Variants in ERCC4 observed in about 807,000 individuals in gnomAD.
The protein encoded by ERCC4 is ERCC excision repair 4, endonuclease catalytic subunit.
ERCC4 carries 65 observed loss-of-function variants against 76.9 expected under a neutral mutation model. The ratio of observed to expected loss-of-function variants is 0.84; its 90% confidence interval spans 0.69 to 1.04. ERCC4 has a LOEUF of 1.04. ERCC4 is among the 50% of genes least tolerant of loss of function. The pLI, the probability that ERCC4 is intolerant of heterozygous loss-of-function variation, is 0.00. For synonymous variants in ERCC4, 463 were observed against 410.1 expected, an observed-to-expected ratio of 1.13 and a Z score of -1.56; for missense variants, 1,214 against 1,128.2, an observed-to-expected ratio of 1.08 and a Z score of -1.09.
chr16:13,921,828 C>A (rs1196243163), intron 1 of ERCC4, among the ~76,000 whole-genome samples: 1 of 152,084 alleles, frequency 6.6e-6, no homozygotes, highest in African/African-American at 2.4e-5. Flanking sequence ...TGCAATTATT[C>A]CTTAGTGTAA....
chr16:13,944,211 T>A (rs1213105613), intron 9 of ERCC4: 4 of 156,134 alleles, frequency 2.6e-5, no homozygotes, highest in Admixed American at 2.5e-4. Flanking sequence ...TGATTTTCCT[T>A]TAAAACTCAG....
chr16:13,934,102 T>A, intron 6 of ERCC4, 90 bp from the exon 7 acceptor site: 3 of 787,200 alleles, frequency 3.8e-6, no homozygotes, highest in Non-Finnish European at 6.5e-6. Flanking sequence ...TATGTACTGA[T>A]GCTCGTGTTA....
chr16:13,929,913 G>A (rs531162360), intron 4 of ERCC4, among the ~76,000 whole-genome samples: 2 of 152,160 alleles, frequency 1.3e-5, no homozygotes, highest in African/African-American at 2.4e-5. Flanking sequence ...GCAGTGAGCC[G>A]AGATTGTGCC....
At position 13,948,200 on chromosome 16, in the gene ERCC4, C is replaced by T. The variant is rs370809250; in HGVS notation, c.2604C>T (p.His868=). Residue 868 remains histidine (H), a synonymous_variant, in exon 11 of 11, where the codon CAC becomes CAT. Coordinates refer to ENST00000311895, the MANE Select transcript of ERCC4 (RefSeq NM_005236.3). ...CCAAAAACTGCCGCTCCTTGATGCA[C>T]CACGTTAAGAACATCGCAGAATTAG... The part of the protein sequence containing the change: ...VNAKNCRSLM[H]HVKNIAELAA... The T allele has an allele frequency of 5.6e-5, 91 of 1,614,056 alleles. No individual in the cohort carries two copies. The highest frequency in any genetic ancestry group is 7.5e-5 in the Non-Finnish European group (89 of 1,180,050).
In ERCC4 at chr16:13,948,120, G is replaced by T; in HGVS notation, c.2524G>T (p.Glu842Ter). Reference sequence around the variant, plus strand: ...AGATTCTGAAACCCTTCCCGAGTCAGAGAAGTATAATCCTGGTCCCCAAGA... The same window carrying T: ...AGATTCTGAAACCCTTCCCGAGTCATAGAAGTATAATCCTGGTCCCCAAGA... ...TADSETLPES[E>*]KYNPGPQDFL... The change falls in exon 11 of 11, where the codon GAG (glutamate) becomes TAG (stop). Residue 842 changes from glutamate (E) to a stop codon, truncating the protein, a stop_gained. Coordinates refer to ENST00000311895, the MANE Select transcript of ERCC4 (RefSeq NM_005236.3). LOFTEE classifies it low-confidence loss of function (END_TRUNC). The T allele has an allele frequency of 3.7e-6, 6 of 1,614,162 alleles. No homozygotes were observed. The highest frequency in any genetic ancestry group is 5.1e-6 in the Non-Finnish European group (6 of 1,180,032).
rs201652412 is a variant in ERCC4, at chr16:13,948,243, G to A, written c.2647G>A (p.Glu883Lys). 585 of 1,614,092 alleles carry A rather than the reference G, an allele frequency of 3.6e-4. 9 individuals are homozygous for A. The highest frequency in any genetic ancestry group is 3.6e-3 in the South Asian group (325 of 91,074). The change falls in exon 11 of 11, where the codon GAG (glutamate) becomes AAG (lysine). Residue 883 changes from glutamate (E) to lysine (K), a missense_variant. Coordinates refer to ENST00000311895, the MANE Select transcript of ERCC4 (RefSeq NM_005236.3). ...IAELAALSQDELTSILGNAAN... is the reference protein window; with the variant it reads ...IAELAALSQDKLTSILGNAAN... ...AGAATTAGCAGCCCTGTCACAAGAC[G>A]AGCTCACGAGTATTCTGGGGAATGC...
At position 13,948,442 on chromosome 16, in the gene ERCC4, A is replaced by G. The variant is rs117384292; in HGVS notation, c.*95A>G. 7.9e-5 allele frequency: 111 copies of G among 1,407,792 alleles called. No individual in the cohort carries two copies. The East Asian group carries it at 1.2e-3, about 15-fold the overall frequency. The allele number at this position is 1,407,792 out of a possible 1,614,324, so 87.2% of individuals were successfully genotyped here. ...TTATTAATTATTGGTTTGCTATTTC[A>G]TTCTTTTCCAATGCTCTTAATGATT... On this transcript the variant is annotated 3_prime_UTR_variant, in exon 11 of 11. Transcript: ENST00000311895.
chr16:13,931,624 T>C (rs185283210), intron 5 of ERCC4: 1 of 156,832 alleles, frequency 6.4e-6, no homozygotes, highest in East Asian at 1.8e-4. Context: ...CATTTCAAAG[T>C]AAAAAATGTT....
At position 13,922,231 on chromosome 16, in the gene ERCC4, TTA is replaced by T. The variant is rs746393376; in HGVS notation, c.388+22_388+23del. The T allele has an allele frequency of 3.4e-6, 5 of 1,489,976 alleles. No individual in the cohort carries two copies. In the South Asian group the frequency reaches 5.8e-5, roughly 17 times the overall value. 92.3% of individuals were successfully genotyped at this position (1,489,976 alleles called of 1,614,324 possible). A position where few individuals can be genotyped will look rare whatever the true frequency, so the allele number is the denominator to read the frequency against. ...TTACTGGTAAGAATTTGAAATCTTA[TTA>T]TTAGTATGTAAATTTGTACTTTTTT... On this transcript the variant is annotated intron_variant, in intron 2 of 10. Coordinates refer to ENST00000311895, the MANE Select transcript of ERCC4 (RefSeq NM_005236.3).
intron 2 of ERCC4, chr16:13,922,624 T>C (rs2141940645): frequency 1.7e-6 from 1 of 586,566 alleles, no homozygotes; most frequent in Non-Finnish European, 3.1e-6. Context: ...GCAAATAGGC[T>C]GCACATGGCC....
Position 13,945,920 on chromosome 16 carries a change from G to C in ERCC4, c.2017+1085G>C, listed in dbSNP as rs140452674. Among the ~76,000 whole-genome samples, 402 of 152,260 alleles carry C rather than the reference G, an allele frequency of 2.6e-3. 1 individual carries two copies. Among genetic ancestry groups the C allele is most frequent in the African/African-American group, 9.4e-3 (390 of 41,552 alleles). The stretch of plus-strand genomic sequence containing the variant: ...TATAACGAATTACCCCAGACTTAGT[G>C]GCTCAAAACAGCACACATTTTATTA... On this transcript the variant is annotated intron_variant, in intron 10 of 10. Transcript: ENST00000311895.
rs1459941128 is a variant in ERCC4 at position 13,948,369 on chromosome 16, T to A, written c.*22T>A. 6.2e-7 allele frequency: 1 copy of A among 1,604,540 alleles called. No homozygotes were observed. The highest frequency in any genetic ancestry group is 8.5e-7 in the Non-Finnish European group (1 of 1,179,816). ...GTGAACAGTGATGGCTGTTTTCTTATCCCATGCCTGTACTTTTCAGCGGCT... is the reference window on the plus strand; with the variant it reads ...GTGAACAGTGATGGCTGTTTTCTTAACCCATGCCTGTACTTTTCAGCGGCT... On this transcript the variant is annotated 3_prime_UTR_variant, in exon 11 of 11. Coordinates refer to ENST00000311895, the MANE Select transcript of ERCC4 (RefSeq NM_005236.3).
Position 13,940,279 on chromosome 16 carries a change from C to T in ERCC4, c.1904+2421C>T, listed in dbSNP as rs183018871. Among the ~76,000 whole-genome samples, 10 of 151,832 alleles carry T rather than the reference C, an allele frequency of 6.6e-5. No homozygotes were observed. In the East Asian group the frequency reaches 1.4e-3, roughly 21 times the overall value. On this transcript the variant is annotated intron_variant, in intron 9 of 10. Transcript: ENST00000311895. ...GCGCATGCCTGTAATCCCAGCTACCCGGGAGGCTAAGGTGGGAGAATCACT... is the reference window on the plus strand; with the variant it reads ...GCGCATGCCTGTAATCCCAGCTACCTGGGAGGCTAAGGTGGGAGAATCACT...
At position 13,944,808 on chromosome 16, in the gene ERCC4, G is replaced by A. The variant is rs1428509012; in HGVS notation, c.1990G>A (p.Asp664Asn). The change falls in exon 10 of 11, where the codon GAT (aspartate) becomes AAT (asparagine). Residue 664 changes from aspartate to asparagine, a missense_variant. By Grantham distance (23) the Asp-to-Asn change is conservative. Transcript: ENST00000311895. Reference protein sequence around the residue: ...LDLVRGTASADVSTDTRKAGG... With the variant: ...LDLVRGTASANVSTDTRKAGG... ...CCTAGTAAGAGGCACAGCATCTGCA[G>A]ATGTTTCCACTGACACTCGGAAAGC... The A allele has an allele frequency of 6.2e-7, 1 of 1,613,422 alleles. No individual in the cohort carries two copies. The highest frequency in any genetic ancestry group is 8.5e-7 in the Non-Finnish European group (1 of 1,179,326).
chr16:13,949,461 T>G lies in ERCC4; in HGVS notation c.*1114T>G, dbSNP rs2032590148. Reference sequence around the variant, plus strand: ...AGCTCACCTGCCTGTGATTCCTCATTTCTCACCATCCTGTGCCAGGGTGGC... The same window carrying G: ...AGCTCACCTGCCTGTGATTCCTCATGTCTCACCATCCTGTGCCAGGGTGGC... On this transcript the variant is annotated 3_prime_UTR_variant, in exon 11 of 11. Transcript: ENST00000311895. 1 of 233,040 alleles carries G rather than the reference T, an allele frequency of 4.3e-6. No individual in the cohort carries two copies. Among genetic ancestry groups the G allele is most frequent in the African/African-American group, 2.2e-5 (1 of 45,336 alleles). The allele number at this position is 233,040 out of a possible 1,614,324, so 14.4% of individuals were successfully genotyped here.
Position 13,951,126 on chromosome 16 carries a change from A to G in ERCC4, c.*2779A>G, listed in dbSNP as rs2032622335. 5.4e-6 allele frequency: 1 copy of G among 186,504 alleles called. No individual in the cohort carries two copies. The highest frequency in any genetic ancestry group is 2.3e-5 in the African/African-American group (1 of 42,772). 11.6% of individuals were successfully genotyped at this position (186,504 alleles called of 1,614,324 possible). A position where few individuals can be genotyped will look rare whatever the true frequency, so the allele number is the denominator to read the frequency against. On this transcript the variant is annotated 3_prime_UTR_variant, in exon 11 of 11. Coordinates refer to ENST00000311895, the MANE Select transcript of ERCC4 (RefSeq NM_005236.3). ...TATTTCCAGTTTTGGAAAGTTTTCA[A>G]TACATACATCAAGTGTTTACTTAGA...
At chr16:13,944,401 A>AT (rs1443436890) in intron 9 of ERCC4, among the ~76,000 whole-genome samples, 1 of 152,112 alleles carries the variant, frequency 6.6e-6, no homozygotes, top group East Asian at 1.9e-4. Context: ...TCTTGGTGGC[A>AT]TTTTTTACAT....
rs762521 is a variant in ERCC4, at chr16:13,920,383, G to A, written c.207+11G>A. The A allele has an allele frequency of 0.26, 411,030 of 1,554,340 alleles. 55,749 individuals carry two copies. The highest frequency in any genetic ancestry group is 0.33 in the Middle Eastern group (1,528 of 4,672). On this transcript the variant is annotated intron_variant, in intron 1 of 10. Transcript: ENST00000311895. ...CAGCCGGCCGAGGAGGTGCGGCCGC[G>A]CTGGCGCGGGAGTGAGGGGACTCCG...
Position 13,921,948 on chromosome 16 carries a change from C to G in ERCC4, c.208-83C>G, listed in dbSNP as rs2031984562. The G allele has an allele frequency of 9.5e-6, 8 of 840,474 alleles. No homozygotes were observed. In the East Asian group the frequency reaches 1.8e-4, roughly 19 times the overall value. The allele number at this position is 840,474 out of a possible 1,614,324, so 52.1% of individuals were successfully genotyped here. On this transcript the variant is annotated intron_variant, in intron 1 of 10. Transcript: ENST00000311895. ...TTAAGTTCATTATCTCAGAGAAAGA[C>G]AGCACATTATTTTAAATATCTGTGA...
Sources: gnomAD v4.1 joint callset for allele counts (sites outside exome capture counted in the v4.1 genomes callset) on GRCh38, gnomAD v4.1.1 for gene constraint, MANE v1.5 for transcripts, NCBI Gene and HGNC (gene_info 2026-07-23, HGNC 2026-07-21) for gene names.